PSD3: variants seen among roughly 807,000 people sequenced by gnomAD.
PSD3 encodes the protein PH and SEC7 domain-containing protein 3.
Under a neutral mutation model 105.5 loss-of-function variants are expected in PSD3, and 49 were observed. That is an observed-to-expected ratio of 0.46 (90% CI 0.37 to 0.59). PSD3 has a LOEUF of 0.59. Ranked by LOEUF, PSD3 falls within the 20% of genes least tolerant of loss-of-function variation. PSD3 has a pLI of 0.00. For missense variants in PSD3, 1,561 were observed against 1,263.8 expected (o/e 1.24, Z -3.57); for synonymous variants, 557 against 457.8 (o/e 1.22, Z -2.77).
chr8:19,067,709 G>T (rs1466940970), intron 1 of PSD3, among the ~76,000 whole-genome samples: 2 of 152,126 alleles, frequency 1.3e-5, no homozygotes, highest in African/African-American at 2.4e-5. Flanking sequence ...CACAGCAGGG[G>T]TCAATGAAGC....
rs780203037 is a variant in PSD3 at position 18,535,763 on chromosome 8, T to C, written c.3124A>G (p.Ile1042Val). The change falls in exon 16 of 16, where the codon ATT becomes GTT. Residue 1042 changes from isoleucine to valine, a missense_variant. Coordinates refer to ENST00000327040, the MANE Select transcript of PSD3 (RefSeq NM_015310.4). ...GGACTCTAAGTAACTTTTTGCTTAA[T>C]GCTTGGTGTTTCAGGTCGGTGATCC... ...RKDHRPETPS[I>V]KQKVT The C allele has an allele frequency of 1.2e-6, 2 of 1,613,604 alleles. No individual in the cohort carries two copies. The highest frequency in any genetic ancestry group is 2.2e-5 in the East Asian group (1 of 44,902).
intron 4 of PSD3, among the ~76,000 whole-genome samples, chr8:18,860,941 C>G (rs1037979501): frequency 3.9e-5 from 6 of 152,030 alleles, no homozygotes; most frequent in African/African-American, 1.5e-4. Context: ...ATCCAAGTAA[C>G]AGGCGCCGCA....
intron 9 of PSD3, among the ~76,000 whole-genome samples, chr8:18,674,009 G>A (rs544430958): frequency 6.6e-6 from 1 of 152,250 alleles, no homozygotes; most frequent in Admixed American, 6.5e-5. Flanking sequence ...TGCGCATGGT[G>A]GTGTGTGCCT....
intron 1 of PSD3, among the ~76,000 whole-genome samples, chr8:19,047,307 A>T (rs1367258754): frequency 6.6e-6 from 1 of 152,144 alleles, no homozygotes; most frequent in African/African-American, 2.4e-5. Flanking sequence ...CCTCCAGGGT[A>T]CAGTAATGCA....
intron 10 of PSD3, among the ~76,000 whole-genome samples, chr8:18,646,689 T>A (rs1487757): frequency 0.48 from 73,362 of 151,928 alleles, 19,255 homozygotes; most frequent in Non-Finnish European, 0.59. Context: ...AGAAAAACTC[T>A]TGGGTGAAAA....
At chr8:18,851,333 T>G (rs1283248969) in intron 4 of PSD3, among the ~76,000 whole-genome samples, 1 of 152,102 alleles carries the variant, frequency 6.6e-6, no homozygotes, top group African/African-American at 2.4e-5. Flanking sequence ...CTACTCTACC[T>G]CCACCCAAAG....
intron 11 of PSD3, among the ~76,000 whole-genome samples, chr8:18,608,389 TAAG>T (rs1805020321): frequency 6.6e-6 from 1 of 152,072 alleles, no homozygotes; most frequent in South Asian, 2.1e-4. Flanking sequence ...TGGGTGAAAT[TAAG>T]AAGTGAATGA....
intron 1 of PSD3, among the ~76,000 whole-genome samples, chr8:19,059,588 C>T (rs1188625211): frequency 1.3e-5 from 2 of 152,198 alleles, no homozygotes; most frequent in South Asian, 4.1e-4. Flanking sequence ...TCTCCTACCC[C>T]TGTGCCTAGA....
rs71217386 is a variant in PSD3, at chr8:18,582,816, C to CTTTT, written c.2482-7535_2482-7532dup. Among the ~76,000 whole-genome samples, 209 of 125,430 alleles carry CTTTT rather than the reference C, an allele frequency of 1.7e-3. 29 individuals carry two copies. Among genetic ancestry groups the CTTTT allele is most frequent in the African/African-American group, 6.6e-3 (194 of 29,264 alleles). The allele number at this position is 125,430 out of a possible 152,430, so 82.3% of individuals were successfully genotyped here. ...TTCTCCAACCTGCAGCCACACTGATCTTTTTTTTTTTTTTTTTTTTTTTTT... is the reference window on the plus strand; with the variant it reads ...TTCTCCAACCTGCAGCCACACTGATCTTTTTTTTTTTTTTTTTTTTTTTTTTTTT... On this transcript the variant is annotated intron_variant, in intron 12 of 15. Transcript: ENST00000327040.
chr8:18,692,726 A>C (rs1035034879), intron 9 of PSD3, among the ~76,000 whole-genome samples: 3 of 152,180 alleles, frequency 2.0e-5, no homozygotes, highest in African/African-American at 7.2e-5. Flanking sequence ...TAGCTGCAAG[A>C]ATTGTCACTT....
intron 4 of PSD3, among the ~76,000 whole-genome samples, chr8:18,858,026 T>G (rs554020254): frequency 6.6e-6 from 1 of 152,304 alleles, no homozygotes; most frequent in South Asian, 2.1e-4. Flanking sequence ...GAGAAACTTA[T>G]TTACCTTCCC....
chr8:18,590,815 C>T (rs992268743), intron 12 of PSD3, among the ~76,000 whole-genome samples: 1 of 151,920 alleles, frequency 6.6e-6, no homozygotes, highest in African/African-American at 2.4e-5. Context: ...GAAACAAAAC[C>T]ATAATTACAT....
At chr8:18,656,873 C>T (rs1460619287) in intron 9 of PSD3, among the ~76,000 whole-genome samples, 1 of 152,190 alleles carries the variant, frequency 6.6e-6, no homozygotes, top group Non-Finnish European at 1.5e-5. Context: ...GCATATGCCA[C>T]AGTGTCTGGC....
At chr8:19,079,447 T>C (rs1829571671) in intron 1 of PSD3, among the ~76,000 whole-genome samples, 1 of 152,228 alleles carries the variant, frequency 6.6e-6, no homozygotes, top group Admixed American at 6.5e-5. Context: ...TATAAAATTC[T>C]AAATGACTCA....
intron 9 of PSD3, among the ~76,000 whole-genome samples, chr8:18,668,253 A>G (rs1018104172): frequency 6.6e-6 from 1 of 152,242 alleles, no homozygotes; most frequent in Non-Finnish European, 1.5e-5. Flanking sequence ...TCTCACTGTG[A>G]TTAGAAATTG....
chr8:18,545,407 ATAAAAT>A (rs1269726198), intron 15 of PSD3, among the ~76,000 whole-genome samples: 1 of 152,170 alleles, frequency 6.6e-6, no homozygotes, highest in Non-Finnish European at 1.5e-5. Flanking sequence ...ATAGCTGAGT[ATAAAAT>A]TAAAAAAGAA....
chr8:18,680,105 A>T (rs1038094180), intron 9 of PSD3, among the ~76,000 whole-genome samples: 1 of 152,218 alleles, frequency 6.6e-6, no homozygotes, highest in Non-Finnish European at 1.5e-5. Context: ...GAACTTTTAC[A>T]GATTTATGTT....
chr8:18,949,594 T>C (rs7001606), intron 1 of PSD3, among the ~76,000 whole-genome samples: 10 of 151,832 alleles, frequency 6.6e-5, no homozygotes, highest in Non-Finnish European at 1.5e-5. Flanking sequence ...AAAGAAAATC[T>C]GAAGTCAGGT....
At chr8:18,617,161 C>G (rs181365323) in intron 11 of PSD3, among the ~76,000 whole-genome samples, 1 of 152,158 alleles carries the variant, frequency 6.6e-6, no homozygotes, top group South Asian at 2.1e-4. Context: ...ATGACCCCTA[C>G]AGTATAGAAC....
Sources: gnomAD v4.1 joint callset for allele counts (sites outside exome capture counted in the v4.1 genomes callset) on GRCh38, gnomAD v4.1.1 for gene constraint, MANE v1.5 for transcripts, NCBI Gene and HGNC (gene_info 2026-07-23, HGNC 2026-07-21) for gene names.